The following PCCA variants were observed in gnomAD, a reference collection of about 807,000 sequenced individuals.
PCCA encodes propionyl-CoA carboxylase subunit alpha, also known as propionyl-CoA carboxylase alpha chain, mitochondrial.
A neutral mutation model predicts 101.3 loss-of-function variants in PCCA; 74 were observed. That is an observed-to-expected ratio of 0.73 (90% CI 0.61 to 0.89). The LOEUF (loss-of-function observed/expected upper bound fraction) is 0.89. PCCA is among the 40% of genes least tolerant of loss of function. The probability of loss-of-function intolerance (pLI) is 0.00; values close to 1 mark genes in which losing one functional copy is unlikely to be tolerated. For missense variants in PCCA, 891 were observed against 907.0 expected, an observed-to-expected ratio of 0.98 and a Z score of 0.23; for synonymous variants, 294 against 313.6, an observed-to-expected ratio of 0.94 and a Z score of 0.66.
chr13:100,465,675 C>T (rs1014503847), intron 21 of PCCA, among the ~76,000 whole-genome samples: 1 of 152,182 alleles, frequency 6.6e-6, no homozygotes, highest in African/African-American at 2.4e-5. Context: ...TTAGCAGCAT[C>T]CTTGGCGTCC....
chr13:100,454,886 TA>T (rs879858370), intron 21 of PCCA, among the ~76,000 whole-genome samples: 27 of 151,906 alleles, frequency 1.8e-4, no homozygotes, highest in Admixed American at 8.5e-4. Context: ...CTCATTACTT[TA>T]AAAAAAATGC....
intron 19 of PCCA, among the ~76,000 whole-genome samples, chr13:100,424,806 G>A (rs972974099): frequency 2.0e-5 from 3 of 152,140 alleles, no homozygotes; most frequent in African/African-American, 4.8e-5. Context: ...TTCTGCTGCA[G>A]GTTTATCTGG....
intron 6 of PCCA, among the ~76,000 whole-genome samples, chr13:100,162,590 A>G (rs554903382): frequency 7.9e-5 from 12 of 152,280 alleles, no homozygotes; most frequent in African/African-American, 2.6e-4. Flanking sequence ...TTGGTGTATC[A>G]TCATAGAGAT....
intron 16 of PCCA, among the ~76,000 whole-genome samples, chr13:100,330,296 G>A (rs1252298320): frequency 2.9e-4 from 44 of 152,072 alleles, no homozygotes; most frequent in Non-Finnish European, 2.9e-5. Context: ...AAAATTCACG[G>A]CCCAAAACCA....
Position 100,132,173 on chromosome 13 carries a change from C to T in PCCA, c.300+20112C>T, listed in dbSNP as rs555362045. 8.7e-4 allele frequency among the ~76,000 whole-genome samples: 127 copies of T among 145,226 alleles called. 1 individual carries two copies. The highest frequency in any genetic ancestry group is 3.1e-3 in the African/African-American group (120 of 38,554). On this transcript the variant is annotated intron_variant, in intron 4 of 23. Coordinates refer to ENST00000376285, the MANE Select transcript of PCCA (RefSeq NM_000282.4). ...GTTTTTTAAATTTTTAAAAATTATC[C>T]TATAGTAATAGGATACCCATCTTTC...
rs1423534428 is a variant in PCCA at position 100,174,994 on chromosome 13, A to G, written c.468+17654A>G. On this transcript the variant is annotated intron_variant, in intron 6 of 23. Coordinates refer to ENST00000376285, the MANE Select transcript of PCCA (RefSeq NM_000282.4). ...TAATAAATACTAGATGTCTGTTCAC[A>G]CTTCATTTTTCCACTGTAAGTTGCA... Among the ~76,000 whole-genome samples the G allele has an allele frequency of 2.0e-5, 3 of 152,296 alleles. No homozygotes were observed. In the South Asian group the frequency reaches 6.2e-4, roughly 32 times the overall value.
intron 21 of PCCA, among the ~76,000 whole-genome samples, chr13:100,514,109 A>C (rs903266719): frequency 6.6e-6 from 1 of 152,218 alleles, no homozygotes; most frequent in Non-Finnish European, 1.5e-5. Flanking sequence ...TAATAGGAGC[A>C]AAAAGCTTTT....
chr13:100,174,878 T>C (rs1416057544), intron 6 of PCCA, among the ~76,000 whole-genome samples: 1 of 152,046 alleles, frequency 6.6e-6, no homozygotes, highest in Non-Finnish European at 1.5e-5. Flanking sequence ...CAATAACATA[T>C]TAATTATATC....
chr13:100,475,789 C>T (rs2083372937), intron 21 of PCCA, among the ~76,000 whole-genome samples: 1 of 152,228 alleles, frequency 6.6e-6, no homozygotes, highest in Non-Finnish European at 1.5e-5. Flanking sequence ...GTTCTTCCCA[C>T]ATCCTCACTG....
chr13:100,372,184 A>G (rs555455043), intron 19 of PCCA, among the ~76,000 whole-genome samples: 2 of 152,266 alleles, frequency 1.3e-5, no homozygotes, highest in South Asian at 4.2e-4. Flanking sequence ...ATCTCTACTA[A>G]AAATACAAAC....
rs770113371 is a variant in PCCA, at chr13:100,268,766, G to A, written c.897G>A (p.Val299=). The change falls in exon 11 of 24, where the codon GTG becomes GTA. Residue 299 remains valine, a synonymous_variant. Transcript: ENST00000376285. Reference sequence around the variant, plus strand: ...CAATTCAGAGAAGAAATCAGAAGGTGGTGGAGGAAGCACCAAGGTAAGTCT... The same window carrying A: ...CAATTCAGAGAAGAAATCAGAAGGTAGTGGAGGAAGCACCAAGGTAAGTCT... The part of the protein sequence containing the change: ...ECSIQRRNQK[V]VEEAPSIFLD... The A allele has an allele frequency of 6.2e-7, 1 of 1,613,486 alleles. No homozygotes were observed. The highest frequency in any genetic ancestry group is 1.7e-5 in the Admixed American group (1 of 60,026).
In PCCA at chr13:100,515,532, G is replaced by C. The variant is rs771947396; in HGVS notation, c.2005G>C (p.Val669Leu). The C allele has an allele frequency of 3.1e-6, 5 of 1,614,122 alleles. No homozygotes were observed. The East Asian group carries it at 1.1e-4, about 36-fold the overall frequency. Reference sequence around the variant, plus strand: ...TGTTCTGCGTTCCCCGATGCCCGGAGTGGTGGTGGCCGTCTCTGTCAAGCC... The same window carrying C: ...TGTTCTGCGTTCCCCGATGCCCGGACTGGTGGTGGCCGTCTCTGTCAAGCC... ...SSVLRSPMPG[V>L]VVAVSVKPGD... The change falls in exon 22 of 24, where the codon GTG (valine) becomes CTG (leucine). Residue 669 changes from valine to leucine, a missense_variant. Val to Leu is a conservative substitution (Grantham distance 32, BLOSUM62 1). Coordinates refer to ENST00000376285, the MANE Select transcript of PCCA (RefSeq NM_000282.4).
At chr13:100,383,094 G>A (rs1258820382) in intron 19 of PCCA, among the ~76,000 whole-genome samples, 1 of 151,924 alleles carries the variant, frequency 6.6e-6, no homozygotes, top group Non-Finnish European at 1.5e-5. Flanking sequence ...TGGTAGCATG[G>A]GGGAGAGCAC....
intron 21 of PCCA, among the ~76,000 whole-genome samples, chr13:100,499,049 A>T (rs2085477308): frequency 6.6e-6 from 1 of 152,186 alleles, no homozygotes; most frequent in Non-Finnish European, 1.5e-5. Context: ...AATTCACGTT[A>T]TTGTGGAAAA....
At chr13:100,325,174 T>C (rs1327765276) in intron 16 of PCCA, among the ~76,000 whole-genome samples, 1 of 152,206 alleles carries the variant, frequency 6.6e-6, no homozygotes, top group Non-Finnish European at 1.5e-5. Context: ...ATCTTGCACT[T>C]TTTTGTGAAA....
chr13:100,412,680 T>A (rs949793992), intron 19 of PCCA, among the ~76,000 whole-genome samples: 16 of 152,126 alleles, frequency 1.1e-4, no homozygotes, highest in African/African-American at 2.2e-4. Flanking sequence ...TGTTTTTTTT[T>A]AAACCAGGGT....
At chr13:100,365,535 A>G (rs1351429912) in intron 18 of PCCA, among the ~76,000 whole-genome samples, 1 of 152,228 alleles carries the variant, frequency 6.6e-6, no homozygotes, top group East Asian at 1.9e-4. Flanking sequence ...AGTTTGAAAA[A>G]TATTACAGCA....
chr13:100,250,750 G>T (rs1418604179), intron 8 of PCCA, among the ~76,000 whole-genome samples: 1 of 152,058 alleles, frequency 6.6e-6, no homozygotes, highest in Non-Finnish European at 1.5e-5. Context: ...TATTTAAAAG[G>T]TATAGATGTT....
At chr13:100,529,502 T>C (rs1306042223) in intron 23 of PCCA, among the ~76,000 whole-genome samples, 3 of 152,126 alleles carry the variant, frequency 2.0e-5, no homozygotes, top group Non-Finnish European at 1.5e-5. Context: ...AAAGATTGAC[T>C]GAAACCGGTA....
Sources: allele counts gnomAD v4.1 joint callset (sites outside exome capture counted in the v4.1 genomes callset), GRCh38; gene constraint gnomAD v4.1.1; transcripts MANE v1.5; gene names NCBI Gene and HGNC (gene_info 2026-07-23, HGNC 2026-07-21).